GPC6: variants seen among roughly 807,000 people sequenced by gnomAD.
GPC6 encodes glypican 6, also known as glypican-6.
Under a neutral mutation model 55.2 loss-of-function variants are expected in GPC6, and 14 were observed. That is an observed-to-expected ratio of 0.25 (90% CI 0.17 to 0.40). The LOEUF (loss-of-function observed/expected upper bound fraction) is 0.40, where lower values mean the gene tolerates loss of function less well. GPC6 is among the 10% of genes least tolerant of loss of function. The probability of loss-of-function intolerance (pLI) is 1.00; values close to 1 mark genes in which losing one functional copy is unlikely to be tolerated. For synonymous variants in GPC6, 278 were observed against 259.6 expected (o/e 1.07, Z -0.68); for missense variants, 641 against 708.5 (o/e 0.90, Z 1.08).
intron 4 of GPC6, among the ~76,000 whole-genome samples, chr13:94,265,269 A>T (rs894894286): frequency 2.6e-5 from 4 of 152,204 alleles, no homozygotes; most frequent in Admixed American, 6.5e-5. Flanking sequence ...TCACATGATT[A>T]CAAGTTCCCA....
intron 2 of GPC6, 138 bp downstream of exon 2, chr13:93,545,559 A>G (rs776002943): frequency 2.2e-5 from 17 of 778,704 alleles, no homozygotes; most frequent in Non-Finnish European, 3.4e-5. Flanking sequence ...CTATTTTTAG[A>G]AAAAGCATGA....
At chr13:93,287,457 C>A (rs755827345) in intron 1 of GPC6, among the ~76,000 whole-genome samples, 1 of 152,160 alleles carries the variant, frequency 6.6e-6, no homozygotes, top group Non-Finnish European at 1.5e-5. Context: ...AATTGGCCAG[C>A]AACTCATCCA....
chr13:94,253,748 C>T (rs1891426415), intron 4 of GPC6, among the ~76,000 whole-genome samples: 1 of 152,082 alleles, frequency 6.6e-6, no homozygotes, highest in Non-Finnish European at 1.5e-5. Flanking sequence ...AAGACTAGAT[C>T]AGGGCTTGTG....
intron 3 of GPC6, among the ~76,000 whole-genome samples, chr13:93,955,383 G>A (rs1795685216): frequency 1.3e-5 from 2 of 151,854 alleles, no homozygotes; most frequent in South Asian, 4.2e-4. Flanking sequence ...CATCTGCAGA[G>A]AGCACCAGCT....
chr13:93,595,122 A>G (rs938045869), intron 2 of GPC6, among the ~76,000 whole-genome samples: 7 of 152,306 alleles, frequency 4.6e-5, no homozygotes, highest in East Asian at 3.9e-4. Flanking sequence ...TCTGCATAAG[A>G]GAAAGACAGG....
chr13:93,490,460 CT>C (rs71123487), intron 1 of GPC6, among the ~76,000 whole-genome samples: 412 of 30,662 alleles, frequency 0.013, 4 homozygotes, highest in African/African-American at 0.033. Context: ...ATTATTATTT[CT>C]TTTTTTTTTT....
chr13:93,697,443 A>G (rs185374973), intron 2 of GPC6, among the ~76,000 whole-genome samples: 1 of 152,156 alleles, frequency 6.6e-6, no homozygotes, highest in Admixed American at 6.5e-5. Context: ...ATTTACTACT[A>G]TCCAACTTAA....
intron 2 of GPC6, among the ~76,000 whole-genome samples, chr13:93,649,248 C>T (rs545063985): frequency 3.9e-5 from 6 of 152,150 alleles, no homozygotes; most frequent in East Asian, 1.9e-4. Flanking sequence ...CTCACGAGTT[C>T]GAGACAAGCC....
chr13:94,246,537 A>G (rs1891200228), intron 4 of GPC6, among the ~76,000 whole-genome samples: 1 of 152,200 alleles, frequency 6.6e-6, no homozygotes, highest in South Asian at 2.1e-4. Context: ...ATTTTTATGC[A>G]TGGCATAAGA....
chr13:94,292,762 A>G (rs1875061109), intron 5 of GPC6, among the ~76,000 whole-genome samples: 1 of 152,154 alleles, frequency 6.6e-6, no homozygotes, highest in Non-Finnish European at 1.5e-5. Flanking sequence ...AATTGAGATC[A>G]TGAATAAGTG....
At chr13:93,283,530 C>T (rs755047725) in intron 1 of GPC6, among the ~76,000 whole-genome samples, 1 of 152,094 alleles carries the variant, frequency 6.6e-6, no homozygotes, top group Non-Finnish European at 1.5e-5. Flanking sequence ...AATGGTCTCA[C>T]CCAAACACAG....
At chr13:93,587,199 A>T (rs1329302621) in intron 2 of GPC6, among the ~76,000 whole-genome samples, 1 of 151,896 alleles carries the variant, frequency 6.6e-6, no homozygotes, top group East Asian at 1.9e-4. Context: ...ATTACTTATT[A>T]TATAATATTT....
At chr13:94,200,964 G>A (rs1889727754) in intron 4 of GPC6, among the ~76,000 whole-genome samples, 1 of 152,208 alleles carries the variant, frequency 6.6e-6, no homozygotes, top group South Asian at 2.1e-4. Context: ...CAGCGCAAAA[G>A]GCAGAAGCAC....
At chr13:93,872,811 G>T (rs74111013) in intron 3 of GPC6, among the ~76,000 whole-genome samples, 241 of 152,014 alleles carry the variant, frequency 1.6e-3, no homozygotes, top group African/African-American at 5.8e-3. Flanking sequence ...TCTGCCTACC[G>T]CAGCAGCCAC....
At chr13:93,577,624 A>G (rs542887000) in intron 2 of GPC6, among the ~76,000 whole-genome samples, 2 of 152,160 alleles carry the variant, frequency 1.3e-5, no homozygotes, top group South Asian at 2.1e-4. Context: ...GTTTTTCTCA[A>G]TATAAGGTCG....
In GPC6 at chr13:93,276,489, AGAGAGAGTGTGTGT is replaced by A. The variant is rs748757316; in HGVS notation, c.160+48875_160+48888del. Among the ~76,000 whole-genome samples the A allele has an allele frequency of 2.2e-3, 292 of 131,370 alleles. 1 individual carries two copies. The highest frequency in any genetic ancestry group is 0.02 in the Middle Eastern group (5 of 254). The allele number at this position is 131,370 out of a possible 152,430, so 86.2% of individuals were successfully genotyped here. ...GAGAGAGAGAGAGAGAGAGAGAGAG[AGAGAGAGTGTGTGT>A]GTGTGTGTGTGTGTGTGTGTGTGTA... On this transcript the variant is annotated intron_variant, in intron 1 of 8. Transcript: ENST00000377047.
At chr13:93,307,820 A>G (rs1878910254) in intron 1 of GPC6, among the ~76,000 whole-genome samples, 1 of 152,140 alleles carries the variant, frequency 6.6e-6, no homozygotes, top group East Asian at 1.9e-4. Flanking sequence ...AAAAATGCCA[A>G]GAGAGTGAAT....
intron 4 of GPC6, among the ~76,000 whole-genome samples, chr13:94,046,885 T>A (rs1220070310): frequency 6.6e-6 from 1 of 152,152 alleles, no homozygotes; most frequent in Non-Finnish European, 1.5e-5. Flanking sequence ...GTAGTGTGTG[T>A]AAAATGTACA....
intron 1 of GPC6, among the ~76,000 whole-genome samples, chr13:93,247,223 C>T (rs1039810463): frequency 6.6e-6 from 1 of 152,084 alleles, no homozygotes; most frequent in African/African-American, 2.4e-5. Context: ...TACCTACAAG[C>T]TATATTAAAA....
Sources: gnomAD v4.1 joint callset for allele counts (sites outside exome capture counted in the v4.1 genomes callset) on GRCh38, gnomAD v4.1.1 for gene constraint, MANE v1.5 for transcripts, NCBI Gene and HGNC (gene_info 2026-07-23, HGNC 2026-07-21) for gene names.